Variants in PLCG1 observed in about 807,000 individuals in gnomAD.
The protein encoded by PLCG1 is phospholipase C gamma 1.
Under a neutral mutation model 177.8 loss-of-function variants are expected in PLCG1, and 71 were observed. The ratio of observed to expected loss-of-function variants is 0.40; its 90% confidence interval spans 0.33 to 0.49. The LOEUF (loss-of-function observed/expected upper bound fraction) is 0.49, where lower values mean the gene tolerates loss of function less well. Ranked by LOEUF, PLCG1 falls within the 20% of genes least tolerant of loss-of-function variation. PLCG1 has a pLI of 0.72. For missense variants in PLCG1, 1,281 were observed against 1,709.0 expected (o/e 0.75, Z 4.42); for synonymous variants, 658 against 647.9 (o/e 1.02, Z -0.24).
intron 24 of PLCG1, chr20:41,171,035 G>A (rs1006489577): frequency 6.6e-6 from 1 of 152,348 alleles, no homozygotes; most frequent in African/African-American, 2.4e-5. Flanking sequence ...GCCTTCTGGA[G>A]AAGGTGGCCT....
At position 41,144,098 on chromosome 20, in the gene PLCG1, T is replaced by C. The variant is rs2034920150; in HGVS notation, c.217+6240T>C. Among the ~76,000 whole-genome samples, 1 of 152,084 alleles carries C rather than the reference T, an allele frequency of 6.6e-6. No homozygotes were observed. The highest frequency in any genetic ancestry group is 2.4e-5 in the African/African-American group (1 of 41,396). On this transcript the variant is annotated intron_variant, in intron 1 of 31. Transcript: ENST00000685551. This position sits in a 1 kb window ranked among gnomAD's most constrained non-coding sequence, Gnocchi z 4.1. The stretch of plus-strand genomic sequence containing the variant: ...TGGAATTGGAATAGCATATTGGGAG[T>C]TCATGGAACATTTTCTCACCTGTTG...
chr20:41,163,779 C>G lies in PLCG1; in HGVS notation c.956C>G (p.Pro319Arg), dbSNP rs150381500. 6.2e-7 allele frequency: 1 copy of G among 1,613,152 alleles called. No homozygotes were observed. Among genetic ancestry groups the G allele is most frequent in the Admixed American group, 1.7e-5 (1 of 59,954 alleles). The change falls in exon 10 of 32, where the codon CCG becomes CGG. Residue 319 changes from proline to arginine, a missense_variant. Physicochemically the swap from Pro to Arg is moderately radical, Grantham distance 103 (BLOSUM62 -2). Coordinates refer to ENST00000685551, the MANE Select transcript of PLCG1 (RefSeq NM_002660.3). The surrounding 1 kb of genome is among the most constrained non-coding windows in gnomAD (Gnocchi z 5.2). ...VWNSQLDAVC[P>R]DTMNNPLSHY... ...AACTCGCAGCTGGATGCAGTATGCC[C>G]GGACACCATGAACAACCCTCTTTCC...
chr20:41,162,821 G>A, intron 6 of PLCG1, 96 bp downstream of exon 6: 1 of 1,342,490 alleles, frequency 7.4e-7, no homozygotes, highest in Non-Finnish European at 1.1e-6. Flanking sequence ...CTGCTTAGGG[G>A]CTTTTGGGTG....
chr20:41,168,438 C>T (rs1412451452), intron 20 of PLCG1, among the ~76,000 whole-genome samples: 1 of 152,222 alleles, frequency 6.6e-6, no homozygotes, highest in Non-Finnish European at 1.5e-5. Flanking sequence ...AGGGCCACTG[C>T]AGACCCTGCC....
Position 41,162,656 on chromosome 20 carries a change from C to G in PLCG1, c.612C>G (p.Arg204=), listed in dbSNP as rs1236784855. ...ATACCATGCAGGACCTGGAGCAGCG[C>G]AGCGGGGACATCACCTACGGGCAGT... ...LRERLTDLEQ[R]SGDITYGQFA... is the part of the protein sequence containing the mutation. Residue 204 remains arginine, a synonymous_variant, in exon 6 of 32, where the codon CGC becomes CGG. Transcript: ENST00000685551. The G allele has an allele frequency of 6.2e-7, 1 of 1,613,958 alleles. No individual in the cohort carries two copies. Among genetic ancestry groups the G allele is most frequent in the Non-Finnish European group, 8.5e-7 (1 of 1,179,906 alleles).
At position 41,174,625 on chromosome 20, in the gene PLCG1, C is replaced by A. The variant is rs2036007941; in HGVS notation, c.*116C>A. On this transcript the variant is annotated 3_prime_UTR_variant, in exon 32 of 32. Coordinates refer to ENST00000685551, the MANE Select transcript of PLCG1 (RefSeq NM_002660.3). This position sits in a 1 kb window ranked among gnomAD's most constrained non-coding sequence, Gnocchi z 5.8. The stretch of plus-strand genomic sequence containing the variant: ...GCCTTCCGGGTCTCGCAGCCTGAAG[C>A]CTGGATTCCAGCAGTGAATGCTAGA... 1 of 861,218 alleles carries A rather than the reference C, an allele frequency of 1.2e-6. No individual in the cohort carries two copies. Among genetic ancestry groups the A allele is most frequent in the Non-Finnish European group, 1.9e-6 (1 of 525,284 alleles). The allele number at this position is 861,218 out of a possible 1,614,324, so 53.3% of individuals were successfully genotyped here. A position where few individuals can be genotyped will look rare whatever the true frequency, so the allele number is the denominator to read the frequency against.
rs1390337993 is a variant in PLCG1 at position 41,169,535 on chromosome 20, C to T, written c.2650+9C>T. 2.5e-6 allele frequency: 4 copies of T among 1,605,810 alleles called. No homozygotes were observed. The Admixed American group carries it at 5.0e-5, about 20-fold the overall frequency. On this transcript the variant is annotated intron_variant, in intron 23 of 31. Transcript: ENST00000685551. ...GCCGGCTTGTCAGATTGGTGAGCTC[C>T]CATCTGTTTCTCTTGCCCACTGTTC...
In PLCG1 at chr20:41,153,567, C is replaced by G. The variant is rs997002378; in HGVS notation, c.218-6039C>G. Among the ~76,000 whole-genome samples, 1 of 152,046 alleles carries G rather than the reference C, an allele frequency of 6.6e-6. No homozygotes were observed. Among genetic ancestry groups the G allele is most frequent in the Non-Finnish European group, 1.5e-5 (1 of 68,012 alleles). On this transcript the variant is annotated intron_variant, in intron 1 of 31. Coordinates refer to ENST00000685551, the MANE Select transcript of PLCG1 (RefSeq NM_002660.3). This position sits in a 1 kb window ranked among gnomAD's most constrained non-coding sequence, Gnocchi z 5.1. ...TCTTGCCTCAGCCTTCTAAAGTGAG[C>G]GTATGCACTTTATAAAGGGAAAACC...
chr20:41,155,187 T>G (rs1389787124), intron 1 of PLCG1, among the ~76,000 whole-genome samples: 1 of 152,238 alleles, frequency 6.6e-6, no homozygotes, highest in African/African-American at 2.4e-5. Context: ...GCTTTAATGC[T>G]TAGAGCTGGC....
chr20:41,148,412 A>ACC lies in PLCG1; in HGVS notation c.217+10557_217+10558dup, dbSNP rs745996348. 1.2e-4 allele frequency among the ~76,000 whole-genome samples: 18 copies of ACC among 151,238 alleles called. No individual in the cohort carries two copies. The highest frequency in any genetic ancestry group is 2.5e-4 in the Non-Finnish European group (17 of 67,856). On this transcript the variant is annotated intron_variant, in intron 1 of 31. Coordinates refer to ENST00000685551, the MANE Select transcript of PLCG1 (RefSeq NM_002660.3). This position sits in a 1 kb window ranked among gnomAD's most constrained non-coding sequence, Gnocchi z 4.3. ...CCTGTTGTTTCCTTGTAGGAGGGAG[A>ACC]CCCCAGATTTTTATTTCTTCTCCCA...
At position 41,164,919 on chromosome 20, in the gene PLCG1, C is replaced by T; in HGVS notation, c.1218-14C>T. The T allele has an allele frequency of 6.2e-7, 1 of 1,610,490 alleles. No homozygotes were observed. ...GCAGAATCTGTTTCACTGTGCTTGT[C>T]CCCCATCCCGCAGGTACCCAGTCAT... On this transcript the variant is annotated splice_polypyrimidine_tract_variant and intron_variant, in intron 12 of 31. Transcript: ENST00000685551. This position sits in a 1 kb window ranked among gnomAD's most constrained non-coding sequence, Gnocchi z 6.4.
chr20:41,159,308 C>G lies in PLCG1; in HGVS notation c.218-298C>G, dbSNP rs947375913. ...GGGTCCCTATTTCTTCTTCTGGAGT[C>G]TAGCTCTTTTGCAGGTCAAAATGTC... On this transcript the variant is annotated intron_variant, in intron 1 of 31. Coordinates refer to ENST00000685551, the MANE Select transcript of PLCG1 (RefSeq NM_002660.3). The surrounding 1 kb of genome is among the most constrained non-coding windows in gnomAD (Gnocchi z 6.0). 1.2e-4 allele frequency among the ~76,000 whole-genome samples: 19 copies of G among 152,152 alleles called. No homozygotes were observed. The highest frequency in any genetic ancestry group is 4.6e-4 in the African/African-American group (19 of 41,430).
chr20:41,153,724 C>T lies in PLCG1; in HGVS notation c.218-5882C>T, dbSNP rs1269728382. Among the ~76,000 whole-genome samples, 1 of 152,014 alleles carries T rather than the reference C, an allele frequency of 6.6e-6. No homozygotes were observed. Among genetic ancestry groups the T allele is most frequent in the Non-Finnish European group, 1.5e-5 (1 of 67,998 alleles). On this transcript the variant is annotated intron_variant, in intron 1 of 31. Coordinates refer to ENST00000685551, the MANE Select transcript of PLCG1 (RefSeq NM_002660.3). The surrounding 1 kb of genome is among the most constrained non-coding windows in gnomAD (Gnocchi z 5.1). ...GCAGCTGGCCAACATGGTGAAACCC[C>T]GTCTCTACTAAAAATACAAAAATCA...
At position 41,163,786 on chromosome 20, in the gene PLCG1, C is replaced by T. The variant is rs1294610866; in HGVS notation, c.963C>T (p.Thr321=). 6.2e-7 allele frequency: 1 copy of T among 1,613,956 alleles called. No individual in the cohort carries two copies. Among genetic ancestry groups the T allele is most frequent in the East Asian group, 2.2e-5 (1 of 44,874 alleles). ...NSQLDAVCPD[T]MNNPLSHYWI... is the part of the protein sequence containing the mutation. ...AGCTGGATGCAGTATGCCCGGACACCATGAACAACCCTCTTTCCCACTACT... is the reference window on the plus strand; with the variant it reads ...AGCTGGATGCAGTATGCCCGGACACTATGAACAACCCTCTTTCCCACTACT... The change falls in exon 10 of 32, where the codon ACC becomes ACT. Residue 321 remains threonine (T), a synonymous_variant. Coordinates refer to ENST00000685551, the MANE Select transcript of PLCG1 (RefSeq NM_002660.3). This position sits in a 1 kb window ranked among gnomAD's most constrained non-coding sequence, Gnocchi z 5.2.
intron 4 of PLCG1, among the ~76,000 whole-genome samples, chr20:41,162,134 T>G (rs1167840846): frequency 6.6e-6 from 1 of 152,062 alleles, no homozygotes; most frequent in Non-Finnish European, 1.5e-5. Context: ...AGGGGAGGCC[T>G]GGAGTGTGGT....
chr20:41,141,514 C>T (rs1057000482), intron 1 of PLCG1, among the ~76,000 whole-genome samples: 2 of 152,184 alleles, frequency 1.3e-5, no homozygotes, highest in Non-Finnish European at 2.9e-5. Context: ...AGGCCTGCTC[C>T]GAGGGCTAGG....
In PLCG1 at chr20:41,173,847, A is replaced by G. The variant is rs201354854; in HGVS notation, c.3556+34A>G. On this transcript the variant is annotated intron_variant, in intron 29 of 31. Coordinates refer to ENST00000685551, the MANE Select transcript of PLCG1 (RefSeq NM_002660.3). The surrounding 1 kb of genome is among the most constrained non-coding windows in gnomAD (Gnocchi z 6.2). ...CATTCCTGGAGGCAGTGCCCCTGCA[A>G]TCTTGCTGGCAGGGTGGGGCTGGGC... 8.2e-5 allele frequency: 132 copies of G among 1,611,598 alleles called. No individual in the cohort carries two copies. In the East Asian group the frequency reaches 1.1e-3, roughly 14 times the overall value.
intron 1 of PLCG1, among the ~76,000 whole-genome samples, chr20:41,158,607 G>A (rs766461342): frequency 6.6e-6 from 1 of 152,164 alleles, no homozygotes; most frequent in East Asian, 1.9e-4. Context: ...TAGCTGTTAC[G>A]ACTTTTGATC....
rs2035744849 is a variant in PLCG1, at chr20:41,167,613, C to T, written c.2302-239C>T. The T allele has an allele frequency of 1.8e-6, 1 of 544,492 alleles. No individual in the cohort carries two copies. The highest frequency in any genetic ancestry group is 3.3e-6 in the Non-Finnish European group (1 of 304,368). The allele number at this position is 544,492 out of a possible 1,614,324, so 33.7% of individuals were successfully genotyped here. A position where few individuals can be genotyped will look rare whatever the true frequency, so the allele number is the denominator to read the frequency against. ...TACTTGGGAGTTTGGGCATTTAGGA[C>T]CTGAGAGATTTTAGAATCCTGGGCT... On this transcript the variant is annotated intron_variant, in intron 19 of 31. Coordinates refer to ENST00000685551, the MANE Select transcript of PLCG1 (RefSeq NM_002660.3). The surrounding 1 kb of genome is among the most constrained non-coding windows in gnomAD (Gnocchi z 4.4).
Sources: gnomAD v4.1 joint callset for allele counts (sites outside exome capture counted in the v4.1 genomes callset) on GRCh38, gnomAD v4.1.1 for gene constraint, Gnocchi (gnomAD v3.1) non-coding constraint, MANE v1.5 for transcripts, NCBI Gene and HGNC (gene_info 2026-07-23, HGNC 2026-07-21) for gene names.